The following ARHGAP24 variants were observed in gnomAD, a reference collection of about 807,000 sequenced individuals.
ARHGAP24 encodes rho GTPase-activating protein 24.
A neutral mutation model predicts 76.4 loss-of-function variants in ARHGAP24; 50 were observed. The ratio of observed to expected loss-of-function variants is 0.65; its 90% confidence interval spans 0.52 to 0.83. The LOEUF (loss-of-function observed/expected upper bound fraction) is 0.83. Among genes scored for constraint, ARHGAP24 ranks in the 40% least tolerant of loss-of-function variants. ARHGAP24 has a pLI of 0.00. For missense variants in ARHGAP24, 930 were observed against 914.2 expected, an observed-to-expected ratio of 1.02 and a Z score of -0.22; for synonymous variants, 345 against 323.3, an observed-to-expected ratio of 1.07 and a Z score of -0.72.
At chr4:85,912,251 T>C (rs577167251) in intron 3 of ARHGAP24, among the ~76,000 whole-genome samples, 48 of 152,300 alleles carry the variant, frequency 3.2e-4, no homozygotes, top group African/African-American at 1.1e-3. Context: ...ATACAAATGA[T>C]GTATGTTCTA....
At chr4:85,781,808 C>T (rs1417732094) in intron 3 of ARHGAP24, among the ~76,000 whole-genome samples, 3 of 151,812 alleles carry the variant, frequency 2.0e-5, no homozygotes, top group African/African-American at 7.3e-5. Context: ...CCAAGGCGGA[C>T]GAATCACTTG....
chr4:85,640,317 T>C (rs1175723281), intron 2 of ARHGAP24, among the ~76,000 whole-genome samples: 1 of 151,912 alleles, frequency 6.6e-6, no homozygotes, highest in Admixed American at 6.6e-5. Context: ...ATAAAGACTT[T>C]CACCCACCTT....
chr4:85,827,172 T>C (rs1729750110), intron 3 of ARHGAP24, among the ~76,000 whole-genome samples: 1 of 152,186 alleles, frequency 6.6e-6, no homozygotes, highest in Admixed American at 6.5e-5. Flanking sequence ...TAGGAATTTT[T>C]ATGAGAAATT....
chr4:85,675,871 A>G (rs985501227), intron 2 of ARHGAP24, among the ~76,000 whole-genome samples: 2 of 152,166 alleles, frequency 1.3e-5, no homozygotes, highest in African/African-American at 4.8e-5. Context: ...AATGCTGTTC[A>G]TATGTAATTA....
At chr4:85,901,961 G>T (rs954679362) in intron 3 of ARHGAP24, among the ~76,000 whole-genome samples, 1 of 152,014 alleles carries the variant, frequency 6.6e-6, no homozygotes, top group Non-Finnish European at 1.5e-5. Context: ...TTGTTCTAAT[G>T]CTCTCCCTCC....
chr4:85,818,737 A>C (rs10014188), intron 3 of ARHGAP24, among the ~76,000 whole-genome samples: 59,496 of 151,982 alleles, frequency 0.39, 13,218 homozygotes, highest in East Asian at 0.84. Context: ...TTGGAGAGAA[A>C]TAGGGCTCCA....
chr4:85,633,827 T>C (rs1006491587), intron 2 of ARHGAP24, among the ~76,000 whole-genome samples: 6 of 151,920 alleles, frequency 3.9e-5, no homozygotes, highest in African/African-American at 1.4e-4. Context: ...AGTTAAGTTC[T>C]GAGTTTTGCA....
intron 1 of ARHGAP24, among the ~76,000 whole-genome samples, chr4:85,502,106 T>A (rs1444645782): frequency 6.6e-6 from 1 of 152,234 alleles, no homozygotes; most frequent in Non-Finnish European, 1.5e-5. Flanking sequence ...ACCAATACCA[T>A]GCTATTTCGG....
At chr4:85,798,238 T>C (rs1487756335) in intron 3 of ARHGAP24, among the ~76,000 whole-genome samples, 1 of 152,154 alleles carries the variant, frequency 6.6e-6, no homozygotes, top group Admixed American at 6.5e-5. Context: ...AACTCAACAA[T>C]TTGGATGGAA....
At chr4:85,564,268 T>C (rs887314291) in intron 1 of ARHGAP24, among the ~76,000 whole-genome samples, 15 of 152,102 alleles carry the variant, frequency 9.9e-5, no homozygotes, top group Non-Finnish European at 2.1e-4. Flanking sequence ...GGACATGAAC[T>C]CATCATTTTT....
At chr4:85,914,581 C>T (rs1735265922) in intron 3 of ARHGAP24, among the ~76,000 whole-genome samples, 1 of 152,196 alleles carries the variant, frequency 6.6e-6, no homozygotes. Flanking sequence ...TATAATTTCA[C>T]ATTTCTTCCC....
chr4:85,937,657 T>A (rs1357146140), intron 4 of ARHGAP24, among the ~76,000 whole-genome samples: 1 of 152,082 alleles, frequency 6.6e-6, no homozygotes, highest in African/African-American at 2.4e-5. Flanking sequence ...TCATGTAACA[T>A]GGGACGTGTC....
At chr4:85,842,572 C>T (rs150730940) in intron 3 of ARHGAP24, among the ~76,000 whole-genome samples, 31 of 152,070 alleles carry the variant, frequency 2.0e-4, no homozygotes, top group African/African-American at 7.0e-4. Flanking sequence ...AAATGAGGAG[C>T]GATAAAGAAA....
chr4:85,697,510 A>T (rs989411016), intron 2 of ARHGAP24, among the ~76,000 whole-genome samples: 9 of 140,212 alleles, frequency 6.4e-5, no homozygotes, highest in African/African-American at 1.0e-4. Context: ...AATAAATTTT[A>T]AAAAAATATG....
intron 3 of ARHGAP24, among the ~76,000 whole-genome samples, chr4:85,861,357 G>A (rs1204277522): frequency 6.6e-6 from 1 of 152,092 alleles, no homozygotes; most frequent in Non-Finnish European, 1.5e-5. Flanking sequence ...CATAAGACAT[G>A]TTATTGTGCA....
chr4:85,705,150 C>T (rs1446143128), intron 2 of ARHGAP24, among the ~76,000 whole-genome samples: 2 of 151,726 alleles, frequency 1.3e-5, no homozygotes, highest in Admixed American at 6.6e-5. Context: ...CTACCATTGT[C>T]TATAAGATGT....
intron 5 of ARHGAP24, among the ~76,000 whole-genome samples, chr4:85,969,441 C>T (rs1738830374): frequency 6.6e-6 from 1 of 151,880 alleles, no homozygotes; most frequent in Non-Finnish European, 1.5e-5. Flanking sequence ...TTATACATAA[C>T]ATACTCTGTA....
intron 3 of ARHGAP24, among the ~76,000 whole-genome samples, chr4:85,846,869 G>T (rs1017225695): frequency 6.6e-6 from 1 of 152,152 alleles, no homozygotes; most frequent in African/African-American, 2.4e-5. Flanking sequence ...ATGTGTCAGG[G>T]TGAGATATCA....
intron 8 of ARHGAP24, among the ~76,000 whole-genome samples, chr4:85,993,073 T>A (rs1740430592): frequency 6.6e-6 from 1 of 152,046 alleles, no homozygotes; most frequent in Non-Finnish European, 1.5e-5. Flanking sequence ...AAATGAATCC[T>A]CTCTTTCGGA....
Sources: gnomAD v4.1 joint callset for allele counts (sites outside exome capture counted in the v4.1 genomes callset) on GRCh38, gnomAD v4.1.1 for gene constraint, MANE v1.5 for transcripts, NCBI Gene and HGNC (gene_info 2026-07-23, HGNC 2026-07-21) for gene names.